The following PARD3 variants were observed in gnomAD, a reference collection of about 807,000 sequenced individuals.
The protein encoded by PARD3 is par-3 family cell polarity regulator.
A neutral mutation model predicts 155.4 loss-of-function variants in PARD3; 75 were observed. The ratio of observed to expected loss-of-function variants is 0.48; its 90% CI spans 0.40 to 0.58. The LOEUF (loss-of-function observed/expected upper bound fraction) is 0.58. PARD3 is among the 20% of genes least tolerant of loss of function. The probability of loss-of-function intolerance (pLI) is 0.00; values close to 1 mark genes in which losing one functional copy is unlikely to be tolerated. For synonymous variants in PARD3, 576 were observed against 610.5 expected (o/e 0.94, Z 0.83); for missense variants, 1,642 against 1,721.7 (o/e 0.95, Z 0.82).
At position 34,399,319 on chromosome 10, in the gene PARD3, A is replaced by G. The variant is rs780393297; in HGVS notation, c.890+11T>C. On this transcript the variant is annotated intron_variant, in intron 7 of 24. Transcript: ENST00000374788. Reference sequence around the variant, plus strand: ...ATTATGATTCAATTAAAAACCTCCAAGATACGTTACCTGCCGCCTCGAGCA... The same window carrying G: ...ATTATGATTCAATTAAAAACCTCCAGGATACGTTACCTGCCGCCTCGAGCA... 7.1e-6 allele frequency: 11 copies of G among 1,549,048 alleles called. No individual in the cohort carries two copies. The highest frequency in any genetic ancestry group is 9.8e-6 in the Non-Finnish European group (11 of 1,120,684).
chr10:34,142,652 A>C (rs150249350), intron 22 of PARD3, among the ~76,000 whole-genome samples: 2 of 152,032 alleles, frequency 1.3e-5, no homozygotes, highest in African/African-American at 4.8e-5. Flanking sequence ...GGAAGGAAGG[A>C]AGGAAGGCAG....
chr10:34,458,756 ACT>A (rs1422616306), intron 4 of PARD3, among the ~76,000 whole-genome samples: 2 of 152,122 alleles, frequency 1.3e-5, no homozygotes, highest in Non-Finnish European at 2.9e-5. Flanking sequence ...CCACTCTTAG[ACT>A]CTGAGGAACT....
chr10:34,416,415 A>C (rs930719043), intron 5 of PARD3, among the ~76,000 whole-genome samples: 4 of 152,168 alleles, frequency 2.6e-5, no homozygotes, highest in Admixed American at 2.6e-4. Flanking sequence ...AGAGAACATC[A>C]CTAACAACAA....
intron 2 of PARD3, among the ~76,000 whole-genome samples, chr10:34,621,656 A>G (rs891162369): frequency 2.0e-5 from 3 of 152,202 alleles, no homozygotes; most frequent in Admixed American, 1.3e-4. Context: ...AAAAATCACT[A>G]CACTGATTAT....
intron 1 of PARD3, among the ~76,000 whole-genome samples, chr10:34,789,513 C>G (rs1303889319): frequency 6.6e-6 from 1 of 151,710 alleles, no homozygotes; most frequent in East Asian, 1.9e-4. Context: ...GCCTGGGCAG[C>G]ATGCTGAGAC....
intron 14 of PARD3, among the ~76,000 whole-genome samples, chr10:34,349,248 G>A (rs1837746539): frequency 6.6e-6 from 1 of 152,080 alleles, no homozygotes; most frequent in African/African-American, 2.4e-5. Context: ...TAATATAAAT[G>A]AGATATTTAA....
chr10:34,696,970 G>A (rs561677052), intron 1 of PARD3, among the ~76,000 whole-genome samples: 3 of 151,062 alleles, frequency 2.0e-5, no homozygotes, highest in African/African-American at 7.3e-5. Flanking sequence ...TGTGTGGCTT[G>A]AGCCTCTTTT....
intron 2 of PARD3, among the ~76,000 whole-genome samples, chr10:34,519,248 G>A (rs2081978031): frequency 6.6e-6 from 1 of 152,120 alleles, no homozygotes. Flanking sequence ...GAATTCTAAT[G>A]AGATCTGATT....
At chr10:34,133,369 C>T (rs1410777186) in intron 22 of PARD3, among the ~76,000 whole-genome samples, 1 of 152,194 alleles carries the variant, frequency 6.6e-6, no homozygotes, top group African/African-American at 2.4e-5. Flanking sequence ...GCCACACACC[C>T]CTGCTGCATG....
At chr10:34,795,100 G>A (rs1044917379) in intron 1 of PARD3, among the ~76,000 whole-genome samples, 6 of 152,184 alleles carry the variant, frequency 3.9e-5, no homozygotes, top group Admixed American at 1.3e-4. Context: ...CTGACTCTTG[G>A]GATACTGTCC....
At chr10:34,282,775 TAG>T (rs1372502340) in intron 21 of PARD3, among the ~76,000 whole-genome samples, 2 of 152,104 alleles carry the variant, frequency 1.3e-5, no homozygotes, top group Non-Finnish European at 2.9e-5. Flanking sequence ...TCTTCTAGGA[TAG>T]AAGTTTATAC....
intron 2 of PARD3, among the ~76,000 whole-genome samples, chr10:34,651,591 A>G (rs1034523459): frequency 1.3e-5 from 2 of 152,196 alleles, no homozygotes; most frequent in African/African-American, 4.8e-5. Flanking sequence ...GACAAAAACC[A>G]TAAGCACTGC....
intron 1 of PARD3, among the ~76,000 whole-genome samples, chr10:34,767,546 T>C (rs1838253785): frequency 6.6e-6 from 1 of 152,036 alleles, no homozygotes; most frequent in Non-Finnish European, 1.5e-5. Flanking sequence ...AAAAAGACTT[T>C]GGTATGCTGG....
chr10:34,450,178 T>TA, intron 5 of PARD3, 139 bp downstream of exon 5: 1 of 713,556 alleles, frequency 1.4e-6, no homozygotes, highest in South Asian at 2.1e-5. Flanking sequence ...AACTCTGACA[T>TA]AGAGATTGGT....
At chr10:34,337,849 A>G (rs1836360806) in intron 16 of PARD3, among the ~76,000 whole-genome samples, 1 of 152,274 alleles carries the variant, frequency 6.6e-6, no homozygotes, top group African/African-American at 2.4e-5. Flanking sequence ...GAAGTTTCAA[A>G]AAGAGTACAT....
At chr10:34,289,353 C>T (rs953640609) in intron 20 of PARD3, among the ~76,000 whole-genome samples, 1 of 152,058 alleles carries the variant, frequency 6.6e-6, no homozygotes, top group African/African-American at 2.4e-5. Flanking sequence ...CCACACCTGG[C>T]TAATTTTTGC....
chr10:34,469,847 A>C (rs2133068949), intron 4 of PARD3, among the ~76,000 whole-genome samples: 1 of 152,312 alleles, frequency 6.6e-6, no homozygotes, highest in African/African-American at 2.4e-5. Context: ...TCTATTCAAA[A>C]AATGGATATA....
chr10:34,421,545 G>A (rs1367387287), intron 5 of PARD3, among the ~76,000 whole-genome samples: 3 of 151,524 alleles, frequency 2.0e-5, no homozygotes, highest in South Asian at 2.1e-4. Flanking sequence ...CTTTGGGTCC[G>A]GTCTGTTAAA....
intron 7 of PARD3, among the ~76,000 whole-genome samples, chr10:34,392,114 A>C (rs1842919304): frequency 6.6e-6 from 1 of 152,242 alleles, no homozygotes; most frequent in African/African-American, 2.4e-5. Context: ...AGCCTGGGTG[A>C]CAGAGTGAGA....
Sources: allele counts gnomAD v4.1 joint callset (sites outside exome capture counted in the v4.1 genomes callset), GRCh38; gene constraint gnomAD v4.1.1; transcripts MANE v1.5; gene names NCBI Gene and HGNC (gene_info 2026-07-23, HGNC 2026-07-21).